The following ARPP21 variants were observed in gnomAD, a reference collection of about 807,000 sequenced individuals.
ARPP21 encodes cAMP regulated phosphoprotein 21.
In ARPP21, 69 loss-of-function variants were observed where a neutral mutation model predicts 113.2. The observed-to-expected ratio is 0.61, with a 90% CI of 0.50 to 0.74. The LOEUF (loss-of-function observed/expected upper bound fraction) is 0.74, where lower values mean the gene tolerates loss of function less well. Among genes scored for constraint, ARPP21 ranks in the 30% least tolerant of loss-of-function variants. ARPP21 has a pLI of 0.00. For synonymous variants in ARPP21, 368 were observed against 375.5 expected, an observed-to-expected ratio of 0.98 and a Z score of 0.23; for missense variants, 1,070 against 1,037.4, an observed-to-expected ratio of 1.03 and a Z score of -0.43.
chr3:35,739,203 G>A lies in ARPP21; in HGVS notation c.1750-114G>A, dbSNP rs1432240729. On this transcript the variant is annotated intron_variant, in intron 17 of 20. Transcript: ENST00000684406. ...TATTTTATTTTATTTTTTCCAAATT[G>A]TACTTCCTGTCTCTCCCACAACTCC... The A allele has an allele frequency of 6.5e-6, 8 of 1,228,172 alleles. No individual in the cohort carries two copies. In the Admixed American group the frequency reaches 6.9e-5, roughly 11 times the overall value. The allele number at this position is 1,228,172 out of a possible 1,614,324, so 76.1% of individuals were successfully genotyped here. A position where few individuals can be genotyped will look rare whatever the true frequency, so the allele number is the denominator to read the frequency against.
chr3:35,784,086 A>G (rs756576899), intron 19 of ARPP21, among the ~76,000 whole-genome samples: 1 of 152,190 alleles, frequency 6.6e-6, no homozygotes, highest in Non-Finnish European at 1.5e-5. Context: ...AGTGTACTGC[A>G]AGATTCTGTT....
chr3:35,737,463 C>T, intron 16 of ARPP21, 101 bp downstream of exon 16: 1 of 717,076 alleles, frequency 1.4e-6, no homozygotes, highest in East Asian at 2.9e-5. Context: ...ATATTTTACA[C>T]TCAAGCCTCA....
chr3:35,682,787 A>T, intron 3 of ARPP21, 61 bp from the exon 4 acceptor site: 2 of 1,470,642 alleles, frequency 1.4e-6, no homozygotes, highest in South Asian at 1.2e-5. Flanking sequence ...TCGGTTGTTG[A>T]TTTACTGTTC....
At chr3:35,738,819 A>G (rs1164306677) in intron 17 of ARPP21, among the ~76,000 whole-genome samples, 2 of 152,332 alleles carry the variant, frequency 1.3e-5, no homozygotes, top group Non-Finnish European at 2.9e-5. Flanking sequence ...GCCAGTGAAT[A>G]AATACTCCCT....
chr3:35,681,734 T>G lies in ARPP21; in HGVS notation c.-18T>G. The stretch of plus-strand genomic sequence containing the variant: ...TCTAGGGCATAAAATCTTGTTATTT[T>G]AATTTGCATCTGGGAGAATGTCTGA... On this transcript the variant is annotated 5_prime_UTR_variant, in exon 3 of 21. The change abolishes the stop of an existing upstream ORF in the 5' untranslated region. Transcript: ENST00000684406. 6.2e-7 allele frequency: 1 copy of G among 1,604,460 alleles called. No homozygotes were observed. Among genetic ancestry groups the G allele is most frequent in the South Asian group, 1.1e-5 (1 of 90,332 alleles).
At chr3:35,665,392 G>A (rs1329388165) in intron 1 of ARPP21, among the ~76,000 whole-genome samples, 1 of 152,008 alleles carries the variant, frequency 6.6e-6, no homozygotes, top group African/African-American at 2.4e-5. Flanking sequence ...TGTTTTTGAA[G>A]TAAAAATTTA....
At chr3:35,763,613 A>T (rs1576771621) in intron 19 of ARPP21, among the ~76,000 whole-genome samples, 1 of 152,102 alleles carries the variant, frequency 6.6e-6, no homozygotes, top group Admixed American at 6.6e-5. Flanking sequence ...AAACCCCTGA[A>T]AATCCTTTAG....
chr3:35,661,305 G>A (rs572173171), intron 1 of ARPP21, among the ~76,000 whole-genome samples: 4 of 152,138 alleles, frequency 2.6e-5, no homozygotes, highest in South Asian at 4.2e-4. Flanking sequence ...GAGCTATATC[G>A]TGAGAATGGT....
intron 15 of ARPP21, 54 bp from the exon 16 acceptor site, chr3:35,737,124 T>C (rs2094405651): frequency 1.9e-6 from 2 of 1,064,636 alleles, no homozygotes; most frequent in Non-Finnish European, 2.9e-6. Flanking sequence ...TGGTTCTTCA[T>C]GTCAAAGGAG....
At chr3:35,668,375 T>G (rs2075459805) in intron 1 of ARPP21, among the ~76,000 whole-genome samples, 1 of 152,060 alleles carries the variant, frequency 6.6e-6, no homozygotes, top group African/African-American at 2.4e-5. Context: ...AAATAGCCAA[T>G]GTAGTCCACT....
At chr3:35,683,594 G>A (rs1472409704) in intron 4 of ARPP21, 132 bp from the exon 5 acceptor site, 1 of 653,288 alleles carries the variant, frequency 1.5e-6, no homozygotes, top group African/African-American at 1.8e-5. Context: ...CTGATTGGCA[G>A]ACTTGAAGTT....
At chr3:35,711,985 G>A (rs2091258475) in intron 11 of ARPP21, among the ~76,000 whole-genome samples, 1 of 152,158 alleles carries the variant, frequency 6.6e-6, no homozygotes, top group South Asian at 2.1e-4. Context: ...ACAAGGTTGT[G>A]AATATCAAAA....
chr3:35,727,631 A>C (rs2093632168), intron 14 of ARPP21, among the ~76,000 whole-genome samples: 1 of 152,200 alleles, frequency 6.6e-6, no homozygotes, highest in Non-Finnish European at 1.5e-5. Context: ...ATAAGAATGC[A>C]TTTTTAATAA....
intron 9 of ARPP21, among the ~76,000 whole-genome samples, chr3:35,694,160 A>C (rs2083099430): frequency 6.6e-6 from 1 of 151,528 alleles, no homozygotes; most frequent in South Asian, 2.1e-4. Flanking sequence ...ATGTGACTTG[A>C]GAAGGTTGGG....
chr3:35,684,720 C>T, intron 5 of ARPP21: 1 of 983,628 alleles, frequency 1.0e-6, no homozygotes, highest in Non-Finnish European at 1.2e-6. Context: ...GAATTCCCCT[C>T]ATGGAAACAG....
chr3:35,707,435 G>A (rs1052389565), intron 10 of ARPP21: 7 of 486,792 alleles, frequency 1.4e-5, no homozygotes, highest in East Asian at 6.0e-5. Flanking sequence ...TATGGCAGTC[G>A]TTCCACTCCC....
intron 14 of ARPP21, among the ~76,000 whole-genome samples, chr3:35,727,680 G>T (rs562242388): frequency 6.6e-6 from 1 of 152,088 alleles, no homozygotes; most frequent in Non-Finnish European, 1.5e-5. Context: ...AATCAACCTC[G>T]TGTACTACAT....
In ARPP21 at chr3:35,793,696, T is replaced by C. The variant is rs1023328127; in HGVS notation, c.2287-5T>C. On this transcript the variant is annotated splice_polypyrimidine_tract_variant and splice_region_variant and intron_variant, in intron 20 of 20. Transcript: ENST00000684406. ...TACAGGGTTCTTGCTTGTGTCTTTT[T>C]ACAGGTGCCAATGACCCAGGGTTCT... 1 of 1,611,872 alleles carries C rather than the reference T, an allele frequency of 6.2e-7. No homozygotes were observed. The highest frequency in any genetic ancestry group is 1.7e-5 in the Admixed American group (1 of 60,002).
intron 1 of ARPP21, among the ~76,000 whole-genome samples, chr3:35,657,092 T>A (rs1004196283): frequency 1.3e-5 from 2 of 152,016 alleles, no homozygotes; most frequent in African/African-American, 4.8e-5. Context: ...CTTCCCCTAT[T>A]TTCTCATTCG....
Sources: allele counts gnomAD v4.1 joint callset (sites outside exome capture counted in the v4.1 genomes callset), GRCh38; gene constraint gnomAD v4.1.1; transcripts MANE v1.5; gene names NCBI Gene and HGNC (gene_info 2026-07-23, HGNC 2026-07-21).